CCDC6: variants seen among roughly 807,000 people sequenced by gnomAD.
CCDC6 encodes coiled-coil domain containing 6.
Under a neutral mutation model 56.6 loss-of-function variants are expected in CCDC6, and 20 were observed. The observed-to-expected ratio is 0.35, with a 90% confidence interval of 0.25 to 0.51. CCDC6 has a LOEUF of 0.51. Among genes scored for constraint, CCDC6 ranks in the 20% least tolerant of loss-of-function variants. CCDC6 has a pLI of 0.95. For synonymous variants in CCDC6, 241 were observed against 234.4 expected, an observed-to-expected ratio of 1.03 and a Z score of -0.26; for missense variants, 367 against 601.1, an observed-to-expected ratio of 0.61 and a Z score of 4.07.
chr10:59,831,499 T>A (rs1448563709), intron 3 of CCDC6, among the ~76,000 whole-genome samples: 8 of 152,080 alleles, frequency 5.3e-5, no homozygotes, highest in Non-Finnish European at 1.2e-4. Context: ...TGAGTTAACA[T>A]GGAGTAAGGT....
Position 59,804,447 on chromosome 10 carries a change from G to A in CCDC6, c.1078C>T (p.Pro360Ser), listed in dbSNP as rs1564737990. ...VSSPIPYTPS[P>S]SSSRPISPGL... ...GGTGATATAGGCCTGCTTGAACTCG[G>A]AGAAGGTGTGTAAGGGATCGGGCTG... is the stretch of plus-strand genomic sequence containing the variant. The change falls in exon 7 of 9, where the codon CCG becomes TCG. Residue 360 changes from proline (P) to serine (S), a missense_variant. By Grantham distance (74) the Pro-to-Ser change is moderately conservative. Transcript: ENST00000263102. The A allele has an allele frequency of 3.1e-6, 5 of 1,612,652 alleles. No individual in the cohort carries two copies. The highest frequency in any genetic ancestry group is 4.2e-6 in the Non-Finnish European group (5 of 1,178,702).
At chr10:59,854,969 A>C (rs983663739) in intron 1 of CCDC6, among the ~76,000 whole-genome samples, 4 of 152,242 alleles carry the variant, frequency 2.6e-5, no homozygotes, top group Non-Finnish European at 5.9e-5. Flanking sequence ...TCATTTCATT[A>C]TCAGATCAGA....
rs1413690597 is a variant in CCDC6 at position 59,802,904 on chromosome 10, G to A, written c.1105+1516C>T. 2.0e-5 allele frequency among the ~76,000 whole-genome samples: 3 copies of A among 151,986 alleles called. No individual in the cohort carries two copies. In the East Asian group the frequency reaches 5.8e-4, roughly 29 times the overall value. On this transcript the variant is annotated intron_variant, in intron 7 of 8. Coordinates refer to ENST00000263102, the MANE Select transcript of CCDC6 (RefSeq NM_005436.5). ...CTTTACGTTTAAATAAATCAAACAG[G>A]GTATTAAATTATCTTTAATATGAAT...
rs1295842504 is a variant in CCDC6 at position 59,792,626 on chromosome 10, C to T, written c.*291G>A. 1 of 693,292 alleles carries T rather than the reference C, an allele frequency of 1.4e-6. No homozygotes were observed. The allele number at this position is 693,292 out of a possible 1,614,324, so 42.9% of individuals were successfully genotyped here. Reference sequence around the variant, plus strand: ...GAAGCTCTGGGCCAAGCAAAAATTGCACACTGCTGCTGAAATACCAAATAC... The same window carrying T: ...GAAGCTCTGGGCCAAGCAAAAATTGTACACTGCTGCTGAAATACCAAATAC... On this transcript the variant is annotated 3_prime_UTR_variant, in exon 9 of 9. Transcript: ENST00000263102.
At position 59,863,579 on chromosome 10, in the gene CCDC6, G is replaced by A. The variant is rs529103042; in HGVS notation, c.304-10877C>T. 4.5e-3 allele frequency among the ~76,000 whole-genome samples: 681 copies of A among 152,264 alleles called. 8 individuals are homozygous for A. Among genetic ancestry groups the A allele is most frequent in the Non-Finnish European group, 7.2e-3 (491 of 68,022 alleles). ...GGGAAGGGTGGGTGGTGGGGAGAGG[G>A]ATAGTGAGTGCTAAAACTAGATTAT... On this transcript the variant is annotated intron_variant, in intron 1 of 8. Transcript: ENST00000263102.
At chr10:59,838,141 C>T (rs2070901412) in intron 2 of CCDC6, among the ~76,000 whole-genome samples, 2 of 152,114 alleles carry the variant, frequency 1.3e-5, no homozygotes, top group South Asian at 4.1e-4. Context: ...ACCTCCTCCC[C>T]TTCTGTTACT....
At chr10:59,872,778 A>AT (rs147784055) in intron 1 of CCDC6, among the ~76,000 whole-genome samples, 17,577 of 79,484 alleles carry the variant, frequency 0.22, 2,296 homozygotes, top group African/African-American at 0.38. Flanking sequence ...AACTTTCCAG[A>AT]TGGGGGGGTG....
chr10:59,798,007 C>G (rs10821600), intron 7 of CCDC6, among the ~76,000 whole-genome samples: 60,238 of 151,890 alleles, frequency 0.4, 12,041 homozygotes, highest in South Asian at 0.47. Context: ...TGAAGCCCTG[C>G]TCGTCAAGAG....
intron 8 of CCDC6, among the ~76,000 whole-genome samples, chr10:59,793,936 A>G (rs2070490492): frequency 6.6e-6 from 1 of 152,158 alleles, no homozygotes; most frequent in African/African-American, 2.4e-5. Context: ...TACCCTTAAT[A>G]ATACTCTCAC....
intron 2 of CCDC6, among the ~76,000 whole-genome samples, chr10:59,836,446 C>T (rs577177519): frequency 1.3e-5 from 2 of 152,226 alleles, no homozygotes; most frequent in African/African-American, 4.8e-5. Flanking sequence ...TTTCTAGGCA[C>T]GACTTTAAAT....
At position 59,862,034 on chromosome 10, in the gene CCDC6, C is replaced by T. The variant is rs577838198; in HGVS notation, c.304-9332G>A. On this transcript the variant is annotated intron_variant, in intron 1 of 8. Transcript: ENST00000263102. Reference sequence around the variant, plus strand: ...ATCTCCCCAAATAATTATAACCAAACTAGAGAAAATCGAAGACAAAAGGAA... The same window carrying T: ...ATCTCCCCAAATAATTATAACCAAATTAGAGAAAATCGAAGACAAAAGGAA... Among the ~76,000 whole-genome samples the T allele has an allele frequency of 2.5e-4, 38 of 152,156 alleles. 3 individuals are homozygous for T. The South Asian group carries it at 7.9e-3, about 32-fold the overall frequency.
At chr10:59,848,309 G>A (rs996670896) in intron 2 of CCDC6, among the ~76,000 whole-genome samples, 5 of 152,194 alleles carry the variant, frequency 3.3e-5, no homozygotes, top group African/African-American at 1.2e-4. Context: ...TTATTTGGAA[G>A]TTTGGTGATG....
chr10:59,861,739 G>A (rs937525049), intron 1 of CCDC6, among the ~76,000 whole-genome samples: 3 of 152,198 alleles, frequency 2.0e-5, no homozygotes, highest in African/African-American at 7.2e-5. Context: ...CCTTTACTCA[G>A]TAAACTGAAA....
chr10:59,822,215 T>C (rs1203532346), intron 3 of CCDC6, among the ~76,000 whole-genome samples: 1 of 152,218 alleles, frequency 6.6e-6, no homozygotes, highest in Non-Finnish European at 1.5e-5. Flanking sequence ...ACTGACATAA[T>C]TTCAGGACAA....
At chr10:59,870,817 T>C (rs1410646903) in intron 1 of CCDC6, among the ~76,000 whole-genome samples, 2 of 152,204 alleles carry the variant, frequency 1.3e-5, no homozygotes, top group African/African-American at 4.8e-5. Context: ...TCCCGCAAGA[T>C]GGTACAGCTA....
chr10:59,856,751 C>T (rs1267058062), intron 1 of CCDC6, among the ~76,000 whole-genome samples: 1 of 152,114 alleles, frequency 6.6e-6, no homozygotes, highest in Non-Finnish European at 1.5e-5. Context: ...TTCCTTTTTA[C>T]CTAAAATGCT....
Position 59,849,215 on chromosome 10 carries a change from T to C in CCDC6, c.453+3338A>G, listed in dbSNP as rs2071018265. On this transcript the variant is annotated intron_variant, in intron 2 of 8. Transcript: ENST00000263102. ...CAATCAGGTAGTGAATCCCATGGCC[T>C]GGGCTCAGAAAGATGTAGACTTCTC... Among the ~76,000 whole-genome samples, 4 of 152,214 alleles carry C rather than the reference T, an allele frequency of 2.6e-5. No homozygotes were observed. The South Asian group carries it at 8.3e-4, about 31-fold the overall frequency.
At chr10:59,804,279 T>G (rs2132626395) in intron 7 of CCDC6, 141 bp downstream of exon 7, 2 of 584,334 alleles carry the variant, frequency 3.4e-6, no homozygotes, top group Non-Finnish European at 6.2e-6. Flanking sequence ...TTGAGAGTGA[T>G]GAGTTTTTGA....
intron 1 of CCDC6, among the ~76,000 whole-genome samples, chr10:59,860,906 T>C (rs980388944): frequency 1.3e-5 from 2 of 151,940 alleles, no homozygotes; most frequent in African/African-American, 4.8e-5. Context: ...AAAAGTAAGC[T>C]GGGTATGGCT....
Sources: allele counts gnomAD v4.1 joint callset (sites outside exome capture counted in the v4.1 genomes callset), GRCh38; gene constraint gnomAD v4.1.1; transcripts MANE v1.5; gene names NCBI Gene and HGNC (gene_info 2026-07-23, HGNC 2026-07-21).